The following NCOR1 variants were observed in gnomAD, a reference collection of about 807,000 sequenced individuals.
NCOR1 encodes protein phosphatase 1, regulatory subunit 109.
In NCOR1, 63 loss-of-function variants were observed where a neutral mutation model predicts 288.1. The observed-to-expected ratio is 0.22, with a 90% CI of 0.18 to 0.27. The LOEUF is 0.27. Among genes scored for constraint, NCOR1 ranks in the 10% least tolerant of loss-of-function variants. The pLI is 1.00. For synonymous variants in NCOR1, 1,007 were observed against 1,065.9 expected, an observed-to-expected ratio of 0.94 and a Z score of 1.08; for missense variants, 2,397 against 3,019.2, an observed-to-expected ratio of 0.79 and a Z score of 4.83.
At chr17:16,166,742 C>T (rs1361657541) in intron 4 of NCOR1, among the ~76,000 whole-genome samples, 1 of 150,678 alleles carries the variant, frequency 6.6e-6, no homozygotes, top group African/African-American at 2.4e-5. Flanking sequence ...TTTTTTCTCC[C>T]CCTCCCTCCT....
chr17:16,106,883 ATTTTTTTTT>A (rs144246158), intron 19 of NCOR1, among the ~76,000 whole-genome samples: 5 of 31,404 alleles, frequency 1.6e-4, no homozygotes, highest in Admixed American at 6.5e-4. Context: ...ATATATATAT[ATTTTTTTTT>A]TTTTTTTTTT....
chr17:16,036,508 G>C (rs1332637671), intron 44 of NCOR1, among the ~76,000 whole-genome samples: 2 of 152,210 alleles, frequency 1.3e-5, no homozygotes, highest in African/African-American at 4.8e-5. Context: ...TCCAGTAGAA[G>C]GCTGTTTTGT....
chr17:16,179,874 C>T (rs1351463468), intron 3 of NCOR1, among the ~76,000 whole-genome samples: 1 of 144,414 alleles, frequency 6.9e-6, no homozygotes, highest in Non-Finnish European at 1.5e-5. Flanking sequence ...ATTAGCCGGG[C>T]GTGAAGCCGG....
chr17:16,182,905 AAAAAG>A (rs772738264), intron 3 of NCOR1, among the ~76,000 whole-genome samples: 2 of 152,182 alleles, frequency 1.3e-5, no homozygotes, highest in East Asian at 3.8e-4. Context: ...TCCTACTGGT[AAAAAG>A]AAGAGAAGTA....
rs2086734440 is a variant in NCOR1 at position 16,186,688 on chromosome 17, CTAG to C, written c.109-4_109-2del. The C allele has an allele frequency of 1.2e-6, 2 of 1,610,766 alleles. No homozygotes were observed. The highest frequency in any genetic ancestry group is 2.7e-5 in the African/African-American group (2 of 74,898). On this transcript the variant is annotated splice_acceptor_variant and splice_polypyrimidine_tract_variant and intron_variant, in intron 2 of 45. Coordinates refer to ENST00000268712, the MANE Select transcript of NCOR1 (RefSeq NM_006311.4). LOFTEE classifies it high-confidence loss of function. ...AACGATAATCAGGGACTGCGAACTC[CTAG>C]TATTAAAATAATCATAAATCAATTA...
At chr17:16,194,890 C>G (rs1048802425) in intron 1 of NCOR1, among the ~76,000 whole-genome samples, 2 of 152,040 alleles carry the variant, frequency 1.3e-5, no homozygotes, top group African/African-American at 4.8e-5. Flanking sequence ...ATAAAAACAG[C>G]ATAAGATCTG....
chr17:16,063,136 C>T (rs1473514421), intron 35 of NCOR1, among the ~76,000 whole-genome samples: 2 of 152,102 alleles, frequency 1.3e-5, no homozygotes, highest in Non-Finnish European at 2.9e-5. Flanking sequence ...AGTTTTCTCC[C>T]TTCTAACCAT....
Position 16,110,769 on chromosome 17 carries a change from G to A in NCOR1, c.2056-1857C>T, listed in dbSNP as rs116161395. On this transcript the variant is annotated intron_variant, in intron 18 of 45. Coordinates refer to ENST00000268712, the MANE Select transcript of NCOR1 (RefSeq NM_006311.4). ...AACATTCTCATGCGGATGATATTTAGGATCCAACTAAAATATTAATTAACT... is the reference window on the plus strand; with the variant it reads ...AACATTCTCATGCGGATGATATTTAAGATCCAACTAAAATATTAATTAACT... 2.6e-3 allele frequency among the ~76,000 whole-genome samples: 389 copies of A among 152,210 alleles called. 1 individual carries two copies. Among genetic ancestry groups the A allele is most frequent in the African/African-American group, 8.9e-3 (370 of 41,534 alleles).
At chr17:16,152,674 T>C (rs1243339425) in intron 7 of NCOR1, among the ~76,000 whole-genome samples, 2 of 152,324 alleles carry the variant, frequency 1.3e-5, no homozygotes, top group South Asian at 2.1e-4. Flanking sequence ...TATCCAGTAA[T>C]GGGATCGCTG....
intron 37 of NCOR1, among the ~76,000 whole-genome samples, 175 bp from the exon 38 acceptor site, chr17:16,058,774 C>A (rs1372878036): frequency 6.6e-6 from 1 of 151,990 alleles, no homozygotes; most frequent in Non-Finnish European, 1.5e-5. Context: ...AGGCTGGGTG[C>A]AGTGGCTCAT....
intron 42 of NCOR1, chr17:16,044,897 GGAAGCAAACAAA>G: frequency 1.4e-6 from 1 of 717,928 alleles, no homozygotes; most frequent in Non-Finnish European, 2.5e-6. Flanking sequence ...AGAAGAAAGT[GGAAGCAAACAAA>G]GAAGAATCTG....
At chr17:16,107,308 G>C (rs927091746) in intron 19 of NCOR1, among the ~76,000 whole-genome samples, 34 of 152,132 alleles carry the variant, frequency 2.2e-4, no homozygotes, top group Admixed American at 2.0e-3. Context: ...ATTTGAAGAC[G>C]AGGCCTTTAA....
chr17:16,098,270 T>A (rs2066998183), intron 21 of NCOR1, 97 bp downstream of exon 21: 5 of 1,236,368 alleles, frequency 4.0e-6, no homozygotes, highest in Middle Eastern at 3.8e-4. Context: ...TGTACCACTA[T>A]TTTTTTAATC....
At chr17:16,105,992 C>A (rs1015475822) in intron 19 of NCOR1, among the ~76,000 whole-genome samples, 4 of 151,996 alleles carry the variant, frequency 2.6e-5, no homozygotes, top group African/African-American at 7.3e-5. Context: ...CCCAGCTACT[C>A]GGGAGGCTGA....
intron 3 of NCOR1, among the ~76,000 whole-genome samples, chr17:16,176,132 T>G (rs2153480197): frequency 6.6e-6 from 1 of 152,096 alleles, no homozygotes; most frequent in South Asian, 2.1e-4. Flanking sequence ...GGTAGGAGAA[T>G]CACTTGAACC....
chr17:16,091,643 A>G, intron 22 of NCOR1: 1 of 1,377,922 alleles, frequency 7.3e-7, no homozygotes, highest in Non-Finnish European at 9.4e-7. Flanking sequence ...AATTCACATT[A>G]ACTAGAATGC....
intron 26 of NCOR1, among the ~76,000 whole-genome samples, chr17:16,077,499 AGAGGGGAGG>A (rs1172354336): frequency 8.5e-4 from 20 of 23,514 alleles, no homozygotes; most frequent in African/African-American, 1.3e-3. Flanking sequence ...AGAGGGGAGG[AGAGGGGAGG>A]AGAGGGGAGG....
At chr17:16,044,539 A>AG (rs1270614005) in intron 42 of NCOR1, 1 of 495,786 alleles carries the variant, frequency 2.0e-6, no homozygotes, top group East Asian at 6.2e-5. Flanking sequence ...AAGGAAGCTA[A>AG]GGCCACGTTG....
intron 18 of NCOR1, 132 bp downstream of exon 18, chr17:16,117,756 A>T: frequency 1.1e-6 from 1 of 942,818 alleles, no homozygotes. Context: ...CGGGAGGAAG[A>T]GTTTGCAGTG....
Sources: gnomAD v4.1 joint callset for allele counts (sites outside exome capture counted in the v4.1 genomes callset) on GRCh38, gnomAD v4.1.1 for gene constraint, MANE v1.5 for transcripts, NCBI Gene and HGNC (gene_info 2026-07-23, HGNC 2026-07-21) for gene names.